The following WDR46 variants were observed in gnomAD, a reference collection of about 807,000 sequenced individuals.
WDR46 encodes the protein WD repeat-containing protein 46.
A neutral mutation model predicts 74.7 loss-of-function variants in WDR46; 58 were observed. That is an observed-to-expected ratio of 0.78 (90% confidence interval 0.63 to 0.97). The LOEUF is 0.97. Among genes scored for constraint, WDR46 ranks in the 50% least tolerant of loss-of-function variants. WDR46 has a pLI of 0.00. For missense variants in WDR46, 702 were observed against 790.1 expected, an observed-to-expected ratio of 0.89 and a Z score of 1.34; for synonymous variants, 278 against 297.3, an observed-to-expected ratio of 0.93 and a Z score of 0.67.
Position 33,288,000 on chromosome 6 carries a change from A to G in WDR46, c.588T>C (p.Phe196=), listed in dbSNP as rs771282667. 2 of 1,614,104 alleles carry G rather than the reference A, an allele frequency of 1.2e-6. No individual in the cohort carries two copies. Among genetic ancestry groups the G allele is most frequent in the African/African-American group, 2.7e-5 (2 of 74,936 alleles). ...AKHFDLNLRQ[F]GPYRLNYSRT... The stretch of plus-strand genomic sequence containing the variant: ...GAGAGTAGTTTAGTCTGTAGGGTCC[A>G]AACTGCCGCAGATTCAAGTCAAAGT... Residue 196 remains phenylalanine (F), a synonymous_variant, in exon 6 of 15, where the codon TTT becomes TTC. Transcript: ENST00000374617.
At position 33,286,840 on chromosome 6, in the gene WDR46, CAG is replaced by C. The variant is rs1169235735; in HGVS notation, c.1068_1069del (p.Cys357SerfsTer30). 1.2e-6 allele frequency: 2 copies of C among 1,614,090 alleles called. No individual in the cohort carries two copies. Among genetic ancestry groups the C allele is most frequent in the South Asian group, 2.2e-5 (2 of 91,078 alleles). On this transcript the variant is annotated frameshift_variant, in exon 10 of 15. Coordinates refer to ENST00000374617, the MANE Select transcript of WDR46 (RefSeq NM_005452.6). LOFTEE classifies it high-confidence loss of function. ...CACAGCCCGGACCCCACCACGATGA[CAG>C]AGAATCTTTGCCAGTGGCTCCTTCA...
chr6:33,280,800 G>A lies in WDR46; in HGVS notation c.1303C>T (p.Pro435Ser). 6.2e-7 allele frequency: 1 copy of A among 1,614,166 alleles called. No individual in the cohort carries two copies. Among genetic ancestry groups the A allele is most frequent in the East Asian group, 2.2e-5 (1 of 44,880 alleles). Residue 435 changes from proline (P) to serine (S), a missense_variant, in exon 11 of 15, where the codon CCC becomes TCC. By Grantham distance (74) the Pro-to-Ser change is moderately conservative. Transcript: ENST00000374617. Reference sequence around the variant, plus strand: ...GTGAGGTAGGGCTGTTCAAGGGAGGGTGGGCTGGCCTTGCCCTGCCCTGCC... The same window carrying A: ...GTGAGGTAGGGCTGTTCAAGGGAGGATGGGCTGGCCTTGCCCTGCCCTGCC... ...IWAGQGKASPPSLEQPYLTHR... is the reference protein window; with the variant it reads ...IWAGQGKASPSSLEQPYLTHR...
chr6:33,287,211 G>C lies in WDR46; in HGVS notation c.895C>G (p.Leu299Val), dbSNP rs2066081584. 1 of 1,613,876 alleles carries C rather than the reference G, an allele frequency of 6.2e-7. No homozygotes were observed. The highest frequency in any genetic ancestry group is 8.5e-7 in the Non-Finnish European group (1 of 1,179,988). Residue 299 changes from leucine to valine, a missense_variant, in exon 9 of 15, where the codon CTA (leucine) becomes GTA (valine). Physicochemically the swap from Leu to Val is conservative, Grantham distance 32 (BLOSUM62 1). Coordinates refer to ENST00000374617, the MANE Select transcript of WDR46 (RefSeq NM_005452.6). ...CCCACTGACACATCCAGGTAGGTTA[G>C]AAACCCTGTTTCTGACTGAGAGAGA... ...LLATASETGF[L>V]TYLDVSVGKI...
rs748967011 is a variant in WDR46, at chr6:33,289,132, G to C, written c.39C>G (p.Pro13=). The C allele has an allele frequency of 6.2e-7, 1 of 1,609,396 alleles. No homozygotes were observed. The highest frequency in any genetic ancestry group is 1.1e-5 in the South Asian group (1 of 90,928). Residue 13 remains proline (P), a synonymous_variant, in exon 1 of 15, where the codon CCC becomes CCG. Transcript: ENST00000374617. ...TCTTGGTCTGAAGTTTGTCTTTCTT[G>C]GGCGGGACATCCTTGCCCGGCTTGG... The part of the protein sequence containing the change: ...TAPKPGKDVP[P]KKDKLQTKRK...
At chr6:33,283,217 A>G (rs1418727677) in intron 10 of WDR46, among the ~76,000 whole-genome samples, 8 of 147,310 alleles carry the variant, frequency 5.4e-5, no homozygotes, top group Admixed American at 5.3e-4. Context: ...TCAAAAAAAA[A>G]AGATACAATT....
At chr6:33,285,836 A>C (rs1411548248) in intron 10 of WDR46, among the ~76,000 whole-genome samples, 3 of 147,584 alleles carry the variant, frequency 2.0e-5, no homozygotes, top group African/African-American at 7.4e-5. Context: ...ATTACGTTTA[A>C]TTTTATAACC....
rs529894030 is a variant in WDR46, at chr6:33,287,593, G to A, written c.728+21C>T. The A allele has an allele frequency of 1.2e-5, 20 of 1,613,728 alleles. No individual in the cohort carries two copies. The Admixed American group carries it at 1.3e-4, about 11-fold the overall frequency. ...ATGGACTATCTCACCCCAACTGACCGCTGACAGTGAGGCCACTGACCGGAT... is the reference window on the plus strand; with the variant it reads ...ATGGACTATCTCACCCCAACTGACCACTGACAGTGAGGCCACTGACCGGAT... On this transcript the variant is annotated intron_variant, in intron 7 of 14. Transcript: ENST00000374617.
chr6:33,280,343 G>C (rs1449021887), intron 12 of WDR46, 85 bp downstream of exon 12: 9 of 1,436,848 alleles, frequency 6.3e-6, no homozygotes, highest in Non-Finnish European at 7.6e-6. Context: ...CCAGGAAGGA[G>C]GAACCTCACC....
chr6:33,287,819 GAC>G, intron 6 of WDR46, 101 bp from the exon 7 acceptor site: 1 of 1,523,440 alleles, frequency 6.6e-7, no homozygotes, highest in South Asian at 1.1e-5. Flanking sequence ...CAGGCGGGCA[GAC>G]ACATGTTGCT....
Position 33,288,907 on chromosome 6 carries a change from T to C in WDR46, c.176A>G (p.Lys59Arg). The change falls in exon 2 of 15, where the codon AAA (lysine) becomes AGA (arginine). Residue 59 changes from lysine (K) to arginine (R), a missense_variant. Transcript: ENST00000374617. ...KNRELRPQRP[K>R]NAYILKKSRI... Reference sequence around the variant, plus strand: ...AGACTTCTTTAAGATGTAAGCATTTTTTGGTCTCTGAGGACGGAGCTCCCG... The same window carrying C: ...AGACTTCTTTAAGATGTAAGCATTTCTTGGTCTCTGAGGACGGAGCTCCCG... 1 of 1,614,112 alleles carries C rather than the reference T, an allele frequency of 6.2e-7. No homozygotes were observed. Among genetic ancestry groups the C allele is most frequent in the Non-Finnish European group, 8.5e-7 (1 of 1,180,024 alleles).
In WDR46 at chr6:33,287,142, C is replaced by T. The variant is rs192701143; in HGVS notation, c.964G>A (p.Val322Ile). 1,000 of 1,614,008 alleles carry T rather than the reference C, an allele frequency of 6.2e-4. No homozygotes were observed. The highest frequency in any genetic ancestry group is 1.2e-3 in the South Asian group (111 of 91,056). ...ALNARAGRLD[V>I]MSQNPYNAVI... is the part of the protein sequence containing the mutation. The stretch of plus-strand genomic sequence containing the variant: ...GCATTGTAAGGGTTCTGACTCATAA[C>T]ATCGAGCCGCCCAGCTCGAGCATTC... The change falls in exon 9 of 15, where the codon GTT becomes ATT. Residue 322 changes from valine (V) to isoleucine (I), a missense_variant. By Grantham distance (29) the Val-to-Ile change is conservative (BLOSUM62 3). Coordinates refer to ENST00000374617, the MANE Select transcript of WDR46 (RefSeq NM_005452.6).
chr6:33,282,699 C>A (rs469064), intron 10 of WDR46, among the ~76,000 whole-genome samples: 66,846 of 152,032 alleles, frequency 0.44, 15,845 homozygotes, highest in South Asian at 0.59. Flanking sequence ...GCTGTTTAGC[C>A]TCAAGGTGTT....
At chr6:33,286,742 A>C in intron 10 of WDR46, 53 bp downstream of exon 10, 1 of 1,565,474 alleles carries the variant, frequency 6.4e-7, no homozygotes, top group South Asian at 1.1e-5. Flanking sequence ...ACTGCCTTCC[A>C]CACCTTTCTG....
At position 33,286,914 on chromosome 6, in the gene WDR46, A is replaced by G; in HGVS notation, c.1016-20T>C. ...CAGTACCTGGAAGAGAAGAAGAACCAAAGTTGCTAATACACACCTAAGCCT... is the reference window on the plus strand; with the variant it reads ...CAGTACCTGGAAGAGAAGAAGAACCGAAGTTGCTAATACACACCTAAGCCT... On this transcript the variant is annotated intron_variant, in intron 9 of 14. Coordinates refer to ENST00000374617, the MANE Select transcript of WDR46 (RefSeq NM_005452.6). 6.2e-7 allele frequency: 1 copy of G among 1,613,378 alleles called. No individual in the cohort carries two copies. Among genetic ancestry groups the G allele is most frequent in the Non-Finnish European group, 8.5e-7 (1 of 1,179,398 alleles).
intron 12 of WDR46, 45 bp downstream of exon 12, chr6:33,280,383 C>G: frequency 1.3e-6 from 2 of 1,547,816 alleles, no homozygotes; most frequent in Non-Finnish European, 1.7e-6. Flanking sequence ...CTGACCCTCT[C>G]CAGCAATGGG....
Position 33,279,281 on chromosome 6 carries a change from G to A in WDR46, c.1828C>T (p.Arg610Cys), listed in dbSNP as rs148252283. ...ARPSALDRFV[R>C] Reference sequence around the variant, plus strand: ...AGGCAACCCTGGAGTCTGGCTCAGCGCACAAATCTGTCCAGGGCAGATGGC... The same window carrying A: ...AGGCAACCCTGGAGTCTGGCTCAGCACACAAATCTGTCCAGGGCAGATGGC... The change falls in exon 15 of 15, where the codon CGC becomes TGC. Residue 610 changes from arginine (R) to cysteine (C), a missense_variant. Arg to Cys is a radical substitution (Grantham distance 180, BLOSUM62 -3). Coordinates refer to ENST00000374617, the MANE Select transcript of WDR46 (RefSeq NM_005452.6). The A allele has an allele frequency of 3.2e-5, 52 of 1,614,176 alleles. No homozygotes were observed. Among genetic ancestry groups the A allele is most frequent in the Middle Eastern group, 1.7e-4 (1 of 6,050 alleles).
intron 9 of WDR46, 86 bp downstream of exon 9, chr6:33,287,005 G>A (rs1331292788): frequency 7.6e-6 from 12 of 1,584,676 alleles, no homozygotes; most frequent in South Asian, 6.9e-5. Context: ...GGAAATAAAA[G>A]GGTAACTTTA....
At chr6:33,284,173 C>A (rs1052407373) in intron 10 of WDR46, among the ~76,000 whole-genome samples, 1 of 151,688 alleles carries the variant, frequency 6.6e-6, no homozygotes, top group Non-Finnish European at 1.5e-5. Flanking sequence ...CGCTTGAACC[C>A]CGGGGGGCAG....
In WDR46 at chr6:33,288,519, T is replaced by C. The variant is rs9378132; in HGVS notation, c.361-49A>G. 607 of 1,610,958 alleles carry C rather than the reference T, an allele frequency of 3.8e-4. 9 individuals are homozygous for C. In the East Asian group the frequency reaches 0.012, roughly 33 times the overall value. ...AGTGGCAGAAGAACCACAGGATAAG[T>C]GGGGTCACAGGAGAGCTACCTGTCC... is the stretch of plus-strand genomic sequence containing the variant. On this transcript the variant is annotated intron_variant, in intron 3 of 14. Transcript: ENST00000374617.
Sources: allele counts gnomAD v4.1 joint callset (sites outside exome capture counted in the v4.1 genomes callset), GRCh38; gene constraint gnomAD v4.1.1; transcripts MANE v1.5; gene names NCBI Gene and HGNC (gene_info 2026-07-23, HGNC 2026-07-21).